The following APOBEC1 variants were observed in gnomAD, a reference collection of about 807,000 sequenced individuals.
APOBEC1 encodes C->U-editing enzyme APOBEC-1.
APOBEC1 carries 22 observed loss-of-function variants against 26.3 expected under a neutral mutation model. The observed-to-expected ratio is 0.84, with a 90% CI of 0.60 to 1.19. APOBEC1 has a LOEUF of 1.19. Ranked by LOEUF, APOBEC1 falls within the 50% of genes most tolerant of loss-of-function variation. The probability of loss-of-function intolerance (pLI) is 0.00; values close to 1 mark genes in which losing one functional copy is unlikely to be tolerated. For missense variants in APOBEC1, 253 were observed against 289.0 expected (o/e 0.88, Z 0.90); for synonymous variants, 77 against 95.3 (o/e 0.81, Z 1.12).
chr12:7,665,066 AT>A (rs1378560091), intron 1 of APOBEC1, among the ~76,000 whole-genome samples: 6 of 152,128 alleles, frequency 3.9e-5, no homozygotes, highest in South Asian at 2.1e-4. Context: ...TAAGATAAAA[AT>A]TTTTTTAGGT....
At chr12:7,662,667 T>C (rs770499267) in intron 1 of APOBEC1, among the ~76,000 whole-genome samples, 1 of 152,164 alleles carries the variant, frequency 6.6e-6, no homozygotes, top group African/African-American at 2.4e-5. Flanking sequence ...GAGATGGCAG[T>C]CAGAGAAGAC....
chr12:7,660,410 A>AAGAAAGAGAGAG (rs111744018), intron 1 of APOBEC1, among the ~76,000 whole-genome samples: 3 of 84,296 alleles, frequency 3.6e-5, no homozygotes, highest in African/African-American at 1.4e-4. Flanking sequence ...GAAAGAAAGA[A>AAGAAAGAGAGAG]AGAGAGGGTA....
chr12:7,660,373 AAG>A (rs1242440612), intron 1 of APOBEC1, among the ~76,000 whole-genome samples: 85 of 103,436 alleles, frequency 8.2e-4, no homozygotes, highest in East Asian at 3.7e-3. Flanking sequence ...GGAAGGAAGG[AAG>A]GAAAGAAAGA....
intron 2 of APOBEC1, 68 bp downstream of exon 2, chr12:7,654,537 G>A (rs1331542857): frequency 6.6e-7 from 1 of 1,509,228 alleles, no homozygotes; most frequent in Non-Finnish European, 9.2e-7. Context: ...GTGCCACCAT[G>A]CACAGCTCTT....
At chr12:7,653,902 G>A (rs1863680030) in intron 2 of APOBEC1, among the ~76,000 whole-genome samples, 1 of 152,112 alleles carries the variant, frequency 6.6e-6, no homozygotes, top group Non-Finnish European at 1.5e-5. Flanking sequence ...TAACTCAAGG[G>A]AAACTCAGAA....
At chr12:7,667,157 C>G (rs1863903796), upstream of APOBEC1, among the ~76,000 whole-genome samples, 1 of 152,052 alleles carries the variant, frequency 6.6e-6, no homozygotes, top group Admixed American at 6.6e-5. Flanking sequence ...GGTGATCCAC[C>G]CGCCTCAGCT....
intron 4 of APOBEC1, 50 bp from the exon 5 acceptor site, chr12:7,649,746 A>G: frequency 7.8e-7 from 1 of 1,280,490 alleles, no homozygotes; most frequent in Non-Finnish European, 1.1e-6. Context: ...TATTTTAATT[A>G]ATAATATTAT....
upstream of APOBEC1, among the ~76,000 whole-genome samples, chr12:7,668,717 A>T (rs1001336525): frequency 6.6e-6 from 1 of 152,010 alleles, no homozygotes; most frequent in African/African-American, 2.4e-5. Flanking sequence ...CCATCACCCC[A>T]AAAGTTCTTT....
intron 2 of APOBEC1, among the ~76,000 whole-genome samples, chr12:7,653,346 T>C (rs1264789471): frequency 6.6e-6 from 1 of 152,178 alleles, no homozygotes; most frequent in East Asian, 1.9e-4. Context: ...GATTTTTTTT[T>C]CTCACAAACA....
In APOBEC1 at chr12:7,651,117, A is replaced by G. The variant is rs1039779409; in HGVS notation, c.467T>C (p.Phe156Ser). Residue 156 changes from phenylalanine (F) to serine (S), a missense_variant, in exon 4 of 5, where the codon TTT becomes TCT. Coordinates refer to ENST00000229304, the MANE Select transcript of APOBEC1 (RefSeq NM_001644.5). Reference protein sequence around the residue: ...ASEYYHCWRNFVNYPPGDEAH... With the variant: ...ASEYYHCWRNSVNYPPGDEAH... ...TTCATCCCCAGGTGGGTAGTTGACA[A>G]AATTCCTCCAGCAGTGATAATACTC... 3 of 1,613,674 alleles carry G rather than the reference A, an allele frequency of 1.9e-6. No homozygotes were observed. Among genetic ancestry groups the G allele is most frequent in the African/African-American group, 1.3e-5 (1 of 74,880 alleles).
chr12:7,651,229 C>T (rs759640991), intron 3 of APOBEC1, 88 bp from the exon 4 acceptor site: 2 of 902,284 alleles, frequency 2.2e-6, no homozygotes, highest in African/African-American at 1.6e-5. Flanking sequence ...GTATAGAAAG[C>T]CTGTAGTCTC....
Position 7,651,136 on chromosome 12 carries a change from A to G in APOBEC1, c.448T>C (p.Tyr150His), listed in dbSNP as rs1238797932. 6 of 1,609,746 alleles carry G rather than the reference A, an allele frequency of 3.7e-6. No individual in the cohort carries two copies. In the East Asian group the frequency reaches 1.3e-4, roughly 36 times the overall value. Reference sequence around the variant, plus strand: ...TTGACAAAATTCCTCCAGCAGTGATAATACTCTAAGGAAACACAAATCTTG... The same window carrying G: ...TTGACAAAATTCCTCCAGCAGTGATGATACTCTAAGGAAACACAAATCTTG... Reference protein sequence around the residue: ...TIQIMRASEYYHCWRNFVNYP... With the variant: ...TIQIMRASEYHHCWRNFVNYP... The change falls in exon 4 of 5, where the codon TAT becomes CAT. Residue 150 changes from tyrosine to histidine, a missense_variant. By Grantham distance (83) the Tyr-to-His change is moderately conservative. Transcript: ENST00000229304.
At chr12:7,662,278 A>T (rs911380197) in intron 1 of APOBEC1, among the ~76,000 whole-genome samples, 1 of 151,880 alleles carries the variant, frequency 6.6e-6, no homozygotes, top group African/African-American at 2.4e-5. Flanking sequence ...AATAAAAAAA[A>T]TTTAAAAATT....
At chr12:7,655,377 T>C (rs1460037766) in intron 1 of APOBEC1, among the ~76,000 whole-genome samples, 1 of 150,726 alleles carries the variant, frequency 6.6e-6, no homozygotes, top group Non-Finnish European at 1.5e-5. Context: ...TGGCTGGGCG[T>C]GGTGGCGCAT....
At chr12:7,658,958 G>A (rs199664017) in intron 1 of APOBEC1, among the ~76,000 whole-genome samples, 273 of 128,726 alleles carry the variant, frequency 2.1e-3, no homozygotes, top group Non-Finnish European at 2.7e-3. Flanking sequence ...CATGTCAAAA[G>A]AAAAAAAAAA....
chr12:7,662,475 C>T lies in APOBEC1; in HGVS notation c.16+3382G>A, dbSNP rs189536024. Among the ~76,000 whole-genome samples, 308 of 152,006 alleles carry T rather than the reference C, an allele frequency of 2.0e-3. 3 individuals are homozygous for T. The highest frequency in any genetic ancestry group is 6.3e-3 in the African/African-American group (262 of 41,480). On this transcript the variant is annotated intron_variant, in intron 1 of 4. Coordinates refer to ENST00000229304, the MANE Select transcript of APOBEC1 (RefSeq NM_001644.5). ...GCACGTGCCTGTAATCCCAGCTATT[C>T]GGGAGGCTGAGGCAGGAGAATCACT... is the stretch of plus-strand genomic sequence containing the variant.
At chr12:7,661,396 A>T (rs1863817814) in intron 1 of APOBEC1, among the ~76,000 whole-genome samples, 1 of 152,028 alleles carries the variant, frequency 6.6e-6, no homozygotes, top group African/African-American at 2.4e-5. Flanking sequence ...CTGCACGTGT[A>T]CCCCATGAAT....
upstream of APOBEC1, chr12:7,665,940 C>T (rs1863887770): frequency 6.3e-7 from 1 of 1,583,920 alleles, no homozygotes; most frequent in South Asian, 1.1e-5. Context: ...GACTTTGTTG[C>T]TTCAGGTGTG....
At chr12:7,657,439 A>T (rs962513748) in intron 1 of APOBEC1, among the ~76,000 whole-genome samples, 1 of 152,196 alleles carries the variant, frequency 6.6e-6, no homozygotes, top group Non-Finnish European at 1.5e-5. Context: ...TATACTGTGA[A>T]GTATGCTTTC....
Sources: allele counts gnomAD v4.1 joint callset (sites outside exome capture counted in the v4.1 genomes callset), GRCh38; gene constraint gnomAD v4.1.1; transcripts MANE v1.5; gene names NCBI Gene and HGNC (gene_info 2026-07-23, HGNC 2026-07-21).